The following R3HDM2 variants were observed in gnomAD, a reference collection of about 807,000 sequenced individuals.
R3HDM2 encodes R3H domain-containing protein 2.
R3HDM2 carries 38 observed loss-of-function variants against 124.5 expected under a neutral mutation model. That is an observed-to-expected ratio of 0.31 (90% CI 0.24 to 0.40). The LOEUF is 0.40. R3HDM2 is among the 10% of genes least tolerant of loss of function. R3HDM2 has a pLI of 1.00. For missense variants in R3HDM2, 869 were observed against 1,236.9 expected, an observed-to-expected ratio of 0.70 and a Z score of 4.46; for synonymous variants, 391 against 448.0, an observed-to-expected ratio of 0.87 and a Z score of 1.61.
chr12:57,269,998 T>A lies in R3HDM2; in HGVS notation c.1345-4A>T. 1.2e-6 allele frequency: 2 copies of A among 1,614,198 alleles called. No individual in the cohort carries two copies. The highest frequency in any genetic ancestry group is 1.7e-6 in the Non-Finnish European group (2 of 1,180,022). ...AGGGGTTGCTGAGGTCATCTGCCTG[T>A]TGAGAGAGTATAAGACACAGGATTG... On this transcript the variant is annotated splice_polypyrimidine_tract_variant and splice_region_variant and intron_variant, in intron 14 of 23. Coordinates refer to ENST00000402412, the MANE Select transcript of R3HDM2 (RefSeq NM_001394031.1).
intron 1 of R3HDM2, among the ~76,000 whole-genome samples, chr12:57,400,882 G>A (rs954234619): frequency 1.3e-5 from 2 of 152,124 alleles, no homozygotes; most frequent in Non-Finnish European, 2.9e-5. Flanking sequence ...ATTAACAGAT[G>A]TTTGGTATTA....
At chr12:57,343,186 ATTTTTT>A (rs760665727) in intron 2 of R3HDM2, among the ~76,000 whole-genome samples, 4 of 133,950 alleles carry the variant, frequency 3.0e-5, no homozygotes, top group Admixed American at 2.2e-4. Context: ...TCGGGTCTTA[ATTTTTT>A]TTTTTTTTTT....
chr12:57,281,939 G>A (rs538500524), intron 13 of R3HDM2, among the ~76,000 whole-genome samples: 1 of 152,210 alleles, frequency 6.6e-6, no homozygotes, highest in African/African-American at 2.4e-5. Flanking sequence ...GATTTAAAGA[G>A]GGGTCAGCAG....
chr12:57,291,452 G>A (rs981657052), intron 11 of R3HDM2, among the ~76,000 whole-genome samples: 9 of 151,708 alleles, frequency 5.9e-5, no homozygotes, highest in Admixed American at 4.6e-4. Flanking sequence ...ACAGGAGTTT[G>A]AGACCAGTCT....
chr12:57,268,828 G>C, intron 17 of R3HDM2, 94 bp downstream of exon 17: 1 of 1,410,606 alleles, frequency 7.1e-7, no homozygotes, highest in Non-Finnish European at 9.7e-7. Flanking sequence ...CACTATTTTA[G>C]TATTGGAGTT....
chr12:57,323,119 C>T (rs1430706391), intron 2 of R3HDM2, among the ~76,000 whole-genome samples: 1 of 152,130 alleles, frequency 6.6e-6, no homozygotes, highest in Non-Finnish European at 1.5e-5. Context: ...TTGTTCAGGG[C>T]CATACACTAC....
At chr12:57,299,947 G>A (rs1436459453) in intron 5 of R3HDM2, 148 bp downstream of exon 5, 4 of 670,228 alleles carry the variant, frequency 6.0e-6, no homozygotes, top group Non-Finnish European at 7.9e-6. Context: ...TGGGAGGAGA[G>A]ACCATGCCCT....
rs181343944 is a variant in R3HDM2, at chr12:57,275,985, A to G, written c.1344+4373T>C. On this transcript the variant is annotated intron_variant, in intron 14 of 23. Transcript: ENST00000402412. ...GTAATCCCAGCACTTTGGGAGGCCAAGGCGGGCGGATCATGAGGTCAGAAG... is the reference window on the plus strand; with the variant it reads ...GTAATCCCAGCACTTTGGGAGGCCAGGGCGGGCGGATCATGAGGTCAGAAG... Among the ~76,000 whole-genome samples, 714 of 152,320 alleles carry G rather than the reference A, an allele frequency of 4.7e-3. 4 individuals are homozygous for G. Among genetic ancestry groups the G allele is most frequent in the Non-Finnish European group, 7.9e-3 (539 of 68,032 alleles).
chr12:57,343,906 C>G (rs987244976), intron 2 of R3HDM2, among the ~76,000 whole-genome samples: 7 of 152,010 alleles, frequency 4.6e-5, no homozygotes, highest in Admixed American at 4.6e-4. Flanking sequence ...AGATGACAGG[C>G]CATTTGTGGT....
chr12:57,376,216 T>A (rs1324871164), intron 2 of R3HDM2, among the ~76,000 whole-genome samples: 1 of 152,220 alleles, frequency 6.6e-6, no homozygotes, highest in Non-Finnish European at 1.5e-5. Flanking sequence ...CATACCTACC[T>A]GAAGAGCCTT....
At chr12:57,402,466 A>T (rs1566492816) in intron 1 of R3HDM2, among the ~76,000 whole-genome samples, 1 of 152,098 alleles carries the variant, frequency 6.6e-6, no homozygotes, top group Admixed American at 6.6e-5. Flanking sequence ...CTCATACCTC[A>T]GCCTCCCAAA....
At chr12:57,379,399 G>A (rs939048449) in intron 2 of R3HDM2, among the ~76,000 whole-genome samples, 13 of 152,058 alleles carry the variant, frequency 8.5e-5, no homozygotes, top group African/African-American at 2.9e-4. Flanking sequence ...TGACCAACAT[G>A]GAGAAACCCT....
At chr12:57,264,102 T>C (rs1483414367) in intron 19 of R3HDM2, among the ~76,000 whole-genome samples, 1 of 151,586 alleles carries the variant, frequency 6.6e-6, no homozygotes, top group Non-Finnish European at 1.5e-5. Context: ...ATTAGCCAGC[T>C]GTGGCGGCAT....
intron 3 of R3HDM2, among the ~76,000 whole-genome samples, chr12:57,309,178 A>C (rs935971390): frequency 6.6e-6 from 1 of 152,226 alleles, no homozygotes; most frequent in Non-Finnish European, 1.5e-5. Flanking sequence ...GTCTAGAAAA[A>C]TTATGCTTCA....
intron 1 of R3HDM2, among the ~76,000 whole-genome samples, chr12:57,399,337 G>A (rs561342680): frequency 1.3e-5 from 2 of 152,272 alleles, no homozygotes; most frequent in Admixed American, 1.3e-4. Context: ...GAGAGGTGGA[G>A]GTTGCAGTGA....
chr12:57,286,290 T>A (rs1233146739), intron 12 of R3HDM2, among the ~76,000 whole-genome samples: 1 of 152,126 alleles, frequency 6.6e-6, no homozygotes, highest in East Asian at 1.9e-4. Context: ...GCAATAAACA[T>A]CAGTAAGGCC....
chr12:57,271,766 T>C (rs1942968569), intron 14 of R3HDM2, among the ~76,000 whole-genome samples: 1 of 152,198 alleles, frequency 6.6e-6, no homozygotes, highest in Non-Finnish European at 1.5e-5. Flanking sequence ...AAAGGATTTG[T>C]AGAGTACAAA....
At chr12:57,298,773 C>T (rs1487429867) in intron 6 of R3HDM2, among the ~76,000 whole-genome samples, 2 of 151,414 alleles carry the variant, frequency 1.3e-5, no homozygotes, top group Non-Finnish European at 2.9e-5. Context: ...ACCAGCCTGG[C>T]CAACATAGTA....
In R3HDM2 at chr12:57,269,031, A is replaced by G. The variant is rs557991686; in HGVS notation, c.1766T>C (p.Ile589Thr). 1.1e-5 allele frequency: 17 copies of G among 1,614,192 alleles called. No individual in the cohort carries two copies. The highest frequency in any genetic ancestry group is 8.0e-5 in the African/African-American group (6 of 75,042). The change falls in exon 17 of 24, where the codon ATT becomes ACT. Residue 589 changes from isoleucine (I) to threonine (T), a missense_variant. This residue lies in a region of R3HDM2 where 602 missense variants were observed against 789.2 expected (regional missense o/e 0.76). Transcript: ENST00000402412. ...NQQQAAYQGM[I>T]GVQQPQNQGL... ...CTGGTTCTGTGGCTGCTGGACCCCA[A>G]TCATGCCTTGGTAAGCCGCCTGCTG...
Sources: gnomAD v4.1 joint callset for allele counts (sites outside exome capture counted in the v4.1 genomes callset) on GRCh38, gnomAD v4.1.1 for gene constraint, gnomAD v4.1.1 regional missense constraint, MANE v1.5 for transcripts, NCBI Gene and HGNC (gene_info 2026-07-23, HGNC 2026-07-21) for gene names.